LPAR3: variants seen among roughly 807,000 people sequenced by gnomAD.
LPAR3 encodes LPA receptor 3.
In LPAR3, 7 loss-of-function variants were observed where a neutral mutation model predicts 17.8. That is an observed-to-expected ratio of 0.39 (90% CI 0.22 to 0.74). LPAR3 has a LOEUF of 0.74. Among genes scored for constraint, LPAR3 ranks in the 30% least tolerant of loss-of-function variants. The pLI, the probability that LPAR3 is intolerant of heterozygous loss-of-function variation, is 0.40. For missense variants in LPAR3, 391 were observed against 453.4 expected, an observed-to-expected ratio of 0.86 and a Z score of 1.25; for synonymous variants, 179 against 179.9, an observed-to-expected ratio of 0.99 and a Z score of 0.04.
chr1:84,831,876 CAT>C (rs539004394), intron 2 of LPAR3, among the ~76,000 whole-genome samples: 48 of 148,852 alleles, frequency 3.2e-4, no homozygotes, highest in Middle Eastern at 3.6e-3. Context: ...ATATGATATA[CAT>C]ATATATATAT....
intron 1 of LPAR3, among the ~76,000 whole-genome samples, chr1:84,879,546 C>G (rs916877109): frequency 6.6e-6 from 1 of 151,994 alleles, no homozygotes; most frequent in Admixed American, 6.5e-5. Context: ...CTCCTGGCCT[C>G]GTGATCCACC....
At chr1:84,862,749 C>G (rs1176415568) in intron 2 of LPAR3, among the ~76,000 whole-genome samples, 1 of 152,188 alleles carries the variant, frequency 6.6e-6, no homozygotes, top group Non-Finnish European at 1.5e-5. Context: ...GAACTGCTAC[C>G]TGATAATTCA....
At chr1:84,866,926 C>A (rs574886845) in intron 1 of LPAR3, among the ~76,000 whole-genome samples, 1 of 152,318 alleles carries the variant, frequency 6.6e-6, no homozygotes, top group East Asian at 1.9e-4. Context: ...GATTTTCCAG[C>A]ATTCCTCAAC....
chr1:84,873,799 C>G (rs1279942467), intron 1 of LPAR3, among the ~76,000 whole-genome samples: 1 of 150,998 alleles, frequency 6.6e-6, no homozygotes, highest in Non-Finnish European at 1.5e-5. Flanking sequence ...GTCACCCAGG[C>G]TGGAGTGCAG....
intron 2 of LPAR3, among the ~76,000 whole-genome samples, chr1:84,833,802 C>G (rs1203268413): frequency 6.6e-6 from 1 of 152,152 alleles, no homozygotes; most frequent in African/African-American, 2.4e-5. Flanking sequence ...CCTAAAGTGT[C>G]CAGAACAGTG....
At chr1:84,817,906 T>C (rs1333079200) in intron 2 of LPAR3, among the ~76,000 whole-genome samples, 1 of 152,120 alleles carries the variant, frequency 6.6e-6, no homozygotes, top group African/African-American at 2.4e-5. Flanking sequence ...GCCCTTGAAG[T>C]CCAGAGGTAC....
intron 1 of LPAR3, among the ~76,000 whole-genome samples, chr1:84,870,062 T>C (rs1379022472): frequency 6.6e-6 from 1 of 152,210 alleles, no homozygotes; most frequent in Non-Finnish European, 1.5e-5. Context: ...TTACCAAAAA[T>C]TTTTAGCAAG....
At chr1:84,815,904 C>G (rs1441060082) in intron 2 of LPAR3, among the ~76,000 whole-genome samples, 1 of 152,090 alleles carries the variant, frequency 6.6e-6, no homozygotes, top group South Asian at 2.1e-4. Flanking sequence ...TTTTTCTCCA[C>G]CTTGTATTAT....
intron 2 of LPAR3, among the ~76,000 whole-genome samples, chr1:84,836,453 C>A (rs1659407630): frequency 1.3e-5 from 2 of 151,690 alleles, no homozygotes; most frequent in South Asian, 4.2e-4. Flanking sequence ...TAAAACCACT[C>A]ATGTATAAAA....
chr1:84,827,629 T>C (rs759511094), intron 2 of LPAR3, among the ~76,000 whole-genome samples: 4 of 152,084 alleles, frequency 2.6e-5, no homozygotes, highest in Non-Finnish European at 5.9e-5. Flanking sequence ...ATACCCGTGG[T>C]CCCTGTGCCC....
chr1:84,889,352 G>A (rs1660513964), intron 1 of LPAR3, among the ~76,000 whole-genome samples: 1 of 152,160 alleles, frequency 6.6e-6, no homozygotes, highest in African/African-American at 2.4e-5. Context: ...ACCCAAGTCA[G>A]CAAGAAGGCA....
chr1:84,876,582 C>T (rs904815134), intron 1 of LPAR3, among the ~76,000 whole-genome samples: 1 of 152,122 alleles, frequency 6.6e-6, no homozygotes, highest in Non-Finnish European at 1.5e-5. Context: ...GCTTCTAGCT[C>T]GGGGACACTG....
At chr1:84,855,257 G>T (rs1484045956) in intron 2 of LPAR3, among the ~76,000 whole-genome samples, 1 of 152,224 alleles carries the variant, frequency 6.6e-6, no homozygotes, top group Non-Finnish European at 1.5e-5. Context: ...CATGGAATTT[G>T]ATAAAATTCT....
At chr1:84,819,102 A>C (rs993539344) in intron 2 of LPAR3, among the ~76,000 whole-genome samples, 7 of 152,218 alleles carry the variant, frequency 4.6e-5, no homozygotes, top group African/African-American at 1.7e-4. Context: ...TCCCGTCAGC[A>C]TAAGGACCTT....
intron 1 of LPAR3, among the ~76,000 whole-genome samples, chr1:84,873,760 T>TTG (rs200189576): frequency 4.1e-5 from 6 of 145,964 alleles, no homozygotes; most frequent in African/African-American, 1.1e-4. Flanking sequence ...GCTTGTTTGT[T>TTG]TTTTTTTTTT....
At chr1:84,880,879 T>C (rs1244117961) in intron 1 of LPAR3, among the ~76,000 whole-genome samples, 1 of 152,144 alleles carries the variant, frequency 6.6e-6, no homozygotes, top group Admixed American at 6.5e-5. Context: ...TCAAGGCTTC[T>C]GGGAGGCCCC....
At chr1:84,843,879 C>T (rs1392044585) in intron 2 of LPAR3, among the ~76,000 whole-genome samples, 1 of 152,178 alleles carries the variant, frequency 6.6e-6, no homozygotes, top group Non-Finnish European at 1.5e-5. Context: ...CCCAGGTGGC[C>T]AGTGGGCTCA....
intron 2 of LPAR3, among the ~76,000 whole-genome samples, chr1:84,853,218 T>C (rs1271243795): frequency 6.6e-6 from 1 of 151,588 alleles, no homozygotes; most frequent in African/African-American, 2.4e-5. Flanking sequence ...ACGATCAAGC[T>C]CATAGGAAAG....
intron 2 of LPAR3, among the ~76,000 whole-genome samples, chr1:84,840,127 G>T (rs999284674): frequency 6.6e-6 from 1 of 151,756 alleles, no homozygotes; most frequent in Non-Finnish European, 1.5e-5. Flanking sequence ...GTCTCACTAT[G>T]TTGCCCAGCT....
Sources: allele counts gnomAD v4.1 joint callset (sites outside exome capture counted in the v4.1 genomes callset), GRCh38; gene constraint gnomAD v4.1.1; transcripts MANE v1.5; gene names NCBI Gene and HGNC (gene_info 2026-07-23, HGNC 2026-07-21).